The following IL12RB2 variants were observed in gnomAD, a reference collection of about 807,000 sequenced individuals.
IL12RB2 encodes interleukin 12 receptor subunit beta 2, also known as interleukin-12 receptor subunit beta-2.
IL12RB2 carries 82 observed loss-of-function variants against 89.4 expected under a neutral mutation model. The ratio of observed to expected loss-of-function variants is 0.92; its 90% CI spans 0.77 to 1.10. The LOEUF (loss-of-function observed/expected upper bound fraction) is 1.10. Ranked by LOEUF, IL12RB2 falls within the 50% of genes least tolerant of loss-of-function variation. The pLI, the probability that IL12RB2 is intolerant of heterozygous loss-of-function variation, is 0.00. For synonymous variants in IL12RB2, 368 were observed against 370.1 expected (o/e 0.99, Z 0.07); for missense variants, 963 against 1,031.9 (o/e 0.93, Z 0.92).
intron 9 of IL12RB2, among the ~76,000 whole-genome samples, chr1:67,340,572 A>G (rs760729268): frequency 1.3e-5 from 2 of 152,218 alleles, no homozygotes; most frequent in Non-Finnish European, 1.5e-5. Flanking sequence ...GGATCAGCAA[A>G]TGAGAGGACA....
chr1:67,317,319 A>G (rs375808069), intron 2 of IL12RB2, among the ~76,000 whole-genome samples: 10 of 152,204 alleles, frequency 6.6e-5, no homozygotes, highest in Admixed American at 5.9e-4. Flanking sequence ...TTTGGCTTAA[A>G]TCTGTGCTTC....
intron 3 of IL12RB2, 59 bp downstream of exon 3, chr1:67,320,503 A>C: frequency 1.2e-6 from 2 of 1,610,304 alleles, no homozygotes; most frequent in Non-Finnish European, 1.7e-6. Flanking sequence ...TCTCAGTTAC[A>C]GATGAAGTAT....
At chr1:67,388,187 T>C (rs1665430162) in intron 15 of IL12RB2, among the ~76,000 whole-genome samples, 1 of 152,098 alleles carries the variant, frequency 6.6e-6, no homozygotes, top group African/African-American at 2.4e-5. Context: ...CTGTGGTCTT[T>C]CCTTTGAGGT....
intron 9 of IL12RB2, among the ~76,000 whole-genome samples, chr1:67,339,323 C>T (rs1659249029): frequency 6.6e-6 from 1 of 151,950 alleles, no homozygotes; most frequent in African/African-American, 2.4e-5. Context: ...CCCGTCTCTA[C>T]TGAAAATACA....
chr1:67,386,871 T>C (rs1427468441), intron 15 of IL12RB2, among the ~76,000 whole-genome samples: 18 of 24,338 alleles, frequency 7.4e-4, no homozygotes, highest in Non-Finnish European at 1.7e-3. Flanking sequence ...AGAAATGTAT[T>C]TTATATATAT....
chr1:67,351,234 C>G (rs1022378016), intron 10 of IL12RB2, 145 bp downstream of exon 10: 99 of 1,390,188 alleles, frequency 7.1e-5, no homozygotes, highest in Middle Eastern at 5.1e-4. Flanking sequence ...CTTTTTTTTT[C>G]TTTTCCAATC....
chr1:67,317,965 T>C (rs1407369911), intron 2 of IL12RB2, among the ~76,000 whole-genome samples: 2 of 152,000 alleles, frequency 1.3e-5, no homozygotes, highest in African/African-American at 4.8e-5. Context: ...AAAAATCAAC[T>C]GGGGAAGACC....
chr1:67,336,158 T>C (rs1469163473), intron 8 of IL12RB2, among the ~76,000 whole-genome samples: 1 of 152,184 alleles, frequency 6.6e-6, no homozygotes, highest in Non-Finnish European at 1.5e-5. Context: ...GTCAATGTAG[T>C]GAACTGTAAT....
At chr1:67,348,728 G>A (rs935715031) in intron 9 of IL12RB2, among the ~76,000 whole-genome samples, 1 of 151,556 alleles carries the variant, frequency 6.6e-6, no homozygotes, top group African/African-American at 2.4e-5. Flanking sequence ...GAGACTAAGT[G>A]GCTAAATATC....
At chr1:67,328,169 G>T (rs377711661) in intron 5 of IL12RB2, 31 bp from the exon 6 acceptor site, 12 of 1,426,222 alleles carry the variant, frequency 8.4e-6, no homozygotes, top group Non-Finnish European at 1.2e-5. Flanking sequence ...CATAAAACAT[G>T]TTGCTACACG....
Position 67,396,015 on chromosome 1 carries a change from C to T in IL12RB2, c.2515C>T (p.Pro839Ser). 1 of 1,604,372 alleles carries T rather than the reference C, an allele frequency of 6.2e-7. No individual in the cohort carries two copies. The highest frequency in any genetic ancestry group is 8.5e-7 in the Non-Finnish European group (1 of 1,170,958). ...TGTTTTCCCCTCAAGTTCTCTTCAC[C>T]CACTCACCTTCTCCTGTGGTGATAA... ...LSVFPSSSLH[P>S]LTFSCGDKLT... The change falls in exon 17 of 17, where the codon CCA (proline) becomes TCA (serine). Residue 839 changes from proline (P) to serine (S), a missense_variant. Physicochemically the swap from Pro to Ser is moderately conservative, Grantham distance 74. Transcript: ENST00000674203.
At chr1:67,370,352 T>C (rs1007979327) in intron 11 of IL12RB2, among the ~76,000 whole-genome samples, 1 of 152,172 alleles carries the variant, frequency 6.6e-6, no homozygotes, top group African/African-American at 2.4e-5. Context: ...TGTCCTGTCC[T>C]GTCTGGGTGA....
chr1:67,325,879 C>G (rs1657215692), intron 4 of IL12RB2, among the ~76,000 whole-genome samples: 2 of 152,134 alleles, frequency 1.3e-5, no homozygotes, highest in African/African-American at 4.8e-5. Context: ...GAGTATTTCT[C>G]TTACCTCCAT....
intron 10 of IL12RB2, among the ~76,000 whole-genome samples, chr1:67,356,506 G>A (rs1661413347): frequency 6.6e-6 from 1 of 152,156 alleles, no homozygotes; most frequent in African/African-American, 2.4e-5. Context: ...CATGGGCCTG[G>A]CAGTTTCAAA....
intron 1 of IL12RB2, among the ~76,000 whole-genome samples, chr1:67,310,807 C>T (rs1418853562): frequency 1.3e-5 from 2 of 152,140 alleles, no homozygotes; most frequent in South Asian, 2.1e-4. Flanking sequence ...TCACTGCAAC[C>T]TCTGCCTCCC....
chr1:67,321,299 G>A (rs17838039), intron 3 of IL12RB2, among the ~76,000 whole-genome samples: 1,994 of 152,008 alleles, frequency 0.013, 43 homozygotes, highest in African/African-American at 0.046. Flanking sequence ...GGTTTTTCCC[G>A]GAACTGTGTT....
rs1172730100 is a variant in IL12RB2, at chr1:67,362,537, C to G, written c.1259-5288C>G. 3.2e-5 allele frequency among the ~76,000 whole-genome samples: 4 copies of G among 126,828 alleles called. No individual in the cohort carries two copies. The East Asian group carries it at 8.9e-4, about 28-fold the overall frequency. The allele number at this position is 126,828 out of a possible 152,430, so 83.2% of individuals were successfully genotyped here. A position where few individuals can be genotyped will look rare whatever the true frequency, so the allele number is the denominator to read the frequency against. On this transcript the variant is annotated intron_variant, in intron 10 of 16. Transcript: ENST00000674203. ...GCCGAGATTGCGCCACTGCAGTCCGCAGTCCGGCCTGGGCGACAGAGCGAG... is the reference window on the plus strand; with the variant it reads ...GCCGAGATTGCGCCACTGCAGTCCGGAGTCCGGCCTGGGCGACAGAGCGAG...
chr1:67,318,665 G>T (rs1351963474), intron 2 of IL12RB2, among the ~76,000 whole-genome samples: 1 of 152,092 alleles, frequency 6.6e-6, no homozygotes, highest in Non-Finnish European at 1.5e-5. Flanking sequence ...GATAGAAAAG[G>T]CTGAAGGAAG....
chr1:67,340,674 T>C (rs1659425147), intron 9 of IL12RB2, among the ~76,000 whole-genome samples: 1 of 152,258 alleles, frequency 6.6e-6, no homozygotes, highest in South Asian at 2.1e-4. Flanking sequence ...CATGCCTGCG[T>C]GCTTTTCACT....
Sources: gnomAD v4.1 joint callset for allele counts (sites outside exome capture counted in the v4.1 genomes callset) on GRCh38, gnomAD v4.1.1 for gene constraint, MANE v1.5 for transcripts, NCBI Gene and HGNC (gene_info 2026-07-23, HGNC 2026-07-21) for gene names.